Variants in KIF16B observed in about 807,000 individuals in gnomAD.
The protein encoded by KIF16B is kinesin family member 16B.
Under a neutral mutation model 156.3 loss-of-function variants are expected in KIF16B, and 98 were observed. The observed-to-expected ratio is 0.63, with a 90% CI of 0.53 to 0.74. KIF16B has a LOEUF of 0.74. Among genes scored for constraint, KIF16B ranks in the 30% least tolerant of loss-of-function variants. The pLI is 0.00. For synonymous variants in KIF16B, 564 were observed against 583.7 expected (o/e 0.97, Z 0.49); for missense variants, 1,421 against 1,606.5 (o/e 0.88, Z 1.97).
chr20:16,418,560 G>C (rs1376396433), intron 15 of KIF16B, among the ~76,000 whole-genome samples: 1 of 152,076 alleles, frequency 6.6e-6, no homozygotes, highest in Non-Finnish European at 1.5e-5. Flanking sequence ...CCACACAATG[G>C]ACCAGCATTG....
chr20:16,569,061 G>A (rs990105777), intron 1 of KIF16B, among the ~76,000 whole-genome samples: 2 of 151,994 alleles, frequency 1.3e-5, no homozygotes, highest in Admixed American at 6.6e-5. Context: ...CAGGCCCAAG[G>A]GAGTCTGTTT....
intron 12 of KIF16B, among the ~76,000 whole-genome samples, chr20:16,455,340 C>A (rs910253221): frequency 6.6e-6 from 1 of 151,532 alleles, no homozygotes; most frequent in African/African-American, 2.4e-5. Context: ...GCCACTGCAC[C>A]TGGCCAAACC....
At chr20:16,552,395 G>A (rs17675492) in intron 1 of KIF16B, among the ~76,000 whole-genome samples, 10,085 of 152,244 alleles carry the variant, frequency 0.066, 496 homozygotes, top group Non-Finnish European at 0.095. Flanking sequence ...ATATTAACAC[G>A]CAGCCATTAT....
rs189984324 is a variant in KIF16B, at chr20:16,532,495, C to A, written c.48-4055G>T. The stretch of plus-strand genomic sequence containing the variant: ...GTGGACCCAAAAGTAAGAACTGCTT[C>A]AGGGACACCCCATGTTCATGTGGCT... On this transcript the variant is annotated intron_variant, in intron 1 of 25. Transcript: ENST00000354981. Among the ~76,000 whole-genome samples the A allele has an allele frequency of 8.3e-3, 1,259 of 152,304 alleles. 11 individuals are homozygous for A. The highest frequency in any genetic ancestry group is 0.025 in the South Asian group (120 of 4,824).
chr20:16,537,695 CT>C (rs1431075803), intron 1 of KIF16B, among the ~76,000 whole-genome samples: 8 of 141,348 alleles, frequency 5.7e-5, no homozygotes, highest in African/African-American at 2.1e-4. Context: ...TTCTTTTTTT[CT>C]TTTTTTCGTT....
intron 12 of KIF16B, among the ~76,000 whole-genome samples, chr20:16,483,360 C>T (rs6044007): frequency 0.2 from 29,938 of 152,112 alleles, 5,443 homozygotes; most frequent in African/African-American, 0.49. Flanking sequence ...AATAAACAAA[C>T]AGAAAATTGT....
intron 1 of KIF16B, among the ~76,000 whole-genome samples, chr20:16,546,335 T>C (rs908445034): frequency 3.3e-5 from 5 of 152,212 alleles, no homozygotes; most frequent in Admixed American, 6.5e-5. Context: ...ACAGACAATA[T>C]AAGGCCAGCT....
At chr20:16,401,828 C>T (rs1182900462) in intron 17 of KIF16B, among the ~76,000 whole-genome samples, 1 of 152,186 alleles carries the variant, frequency 6.6e-6, no homozygotes, top group African/African-American at 2.4e-5. Context: ...GCCACTATTA[C>T]CTTTCACTTG....
At chr20:16,283,059 G>A (rs889029765) in intron 25 of KIF16B, among the ~76,000 whole-genome samples, 7 of 152,160 alleles carry the variant, frequency 4.6e-5, no homozygotes, top group South Asian at 2.1e-4. Flanking sequence ...TTGGTGTGCC[G>A]ACACTTGCAT....
intron 25 of KIF16B, among the ~76,000 whole-genome samples, chr20:16,279,182 T>C (rs2063109046): frequency 1.3e-5 from 2 of 152,062 alleles, no homozygotes; most frequent in African/African-American, 4.8e-5. Flanking sequence ...TCTCTGGGAA[T>C]TGGTTAACTG....
intron 24 of KIF16B, among the ~76,000 whole-genome samples, chr20:16,329,522 A>C (rs1190321480): frequency 2.0e-5 from 3 of 152,226 alleles, no homozygotes; most frequent in Non-Finnish European, 4.4e-5. Context: ...TCTCTGGAAG[A>C]TGCTGCATAA....
intron 1 of KIF16B, among the ~76,000 whole-genome samples, chr20:16,562,813 C>T (rs186614038): frequency 3.1e-4 from 47 of 152,276 alleles, no homozygotes; most frequent in African/African-American, 9.9e-4. Flanking sequence ...TCTCTGAAGA[C>T]GGGCATATGA....
intron 15 of KIF16B, among the ~76,000 whole-genome samples, chr20:16,422,748 T>C (rs1305929783): frequency 6.6e-6 from 1 of 152,044 alleles, no homozygotes; most frequent in African/African-American, 2.4e-5. Flanking sequence ...CTGAAAGAAA[T>C]AGATGATAAT....
At chr20:16,457,405 G>A (rs1176431509) in intron 12 of KIF16B, among the ~76,000 whole-genome samples, 6 of 152,236 alleles carry the variant, frequency 3.9e-5, no homozygotes, top group South Asian at 2.1e-4. Flanking sequence ...GTTTAATAAC[G>A]AACGTTCAAT....
chr20:16,486,743 T>A (rs1175285989), intron 12 of KIF16B, among the ~76,000 whole-genome samples: 1 of 152,168 alleles, frequency 6.6e-6, no homozygotes, highest in Non-Finnish European at 1.5e-5. Context: ...TTTCTATCTT[T>A]AGAATGGCGA....
chr20:16,531,192 AC>A, intron 1 of KIF16B, among the ~76,000 whole-genome samples: 1 of 152,114 alleles, frequency 6.6e-6, no homozygotes, highest in Admixed American at 6.6e-5. Context: ...AAGCACATAA[AC>A]TCATAACTTA....
At chr20:16,512,435 A>C (rs1368416944) in intron 5 of KIF16B, among the ~76,000 whole-genome samples, 1 of 152,072 alleles carries the variant, frequency 6.6e-6, no homozygotes, top group African/African-American at 2.4e-5. Context: ...CACCTCAACC[A>C]CTCAGATTTA....
chr20:16,447,364 G>T (rs2066962577), intron 12 of KIF16B, among the ~76,000 whole-genome samples: 1 of 151,808 alleles, frequency 6.6e-6, no homozygotes, highest in Non-Finnish European at 1.5e-5. Flanking sequence ...TCTGCCACCT[G>T]CCTTCAACTC....
At chr20:16,437,547 T>C (rs1377384523) in intron 12 of KIF16B, among the ~76,000 whole-genome samples, 1 of 152,130 alleles carries the variant, frequency 6.6e-6, no homozygotes, top group Non-Finnish European at 1.5e-5. Context: ...ACGGGACAGG[T>C]ATGTGGATTC....
Sources: gnomAD v4.1 joint callset for allele counts (sites outside exome capture counted in the v4.1 genomes callset) on GRCh38, gnomAD v4.1.1 for gene constraint, MANE v1.5 for transcripts, NCBI Gene and HGNC (gene_info 2026-07-23, HGNC 2026-07-21) for gene names.